TENM4: variants seen among roughly 807,000 people sequenced by gnomAD.
TENM4 encodes teneurin-4.
Under a neutral mutation model 243.3 loss-of-function variants are expected in TENM4, and 82 were observed. The observed-to-expected ratio is 0.34, with a 90% CI of 0.28 to 0.40. The LOEUF is 0.40. TENM4 is among the 10% of genes least tolerant of loss of function. The pLI is 1.00. For synonymous variants in TENM4, 1,412 were observed against 1,456.3 expected (o/e 0.97, Z 0.69); for missense variants, 3,138 against 3,673.3 (o/e 0.85, Z 3.77).
At chr11:78,784,159 CAA>C (rs1487274655) in intron 16 of TENM4, among the ~76,000 whole-genome samples, 9 of 152,262 alleles carry the variant, frequency 5.9e-5, no homozygotes, top group Admixed American at 3.3e-4. Context: ...AATCTGATAA[CAA>C]GAGAAAATTT....
intron 3 of TENM4, among the ~76,000 whole-genome samples, chr11:79,201,095 T>C (rs766395908): frequency 3.9e-5 from 6 of 152,226 alleles, no homozygotes; most frequent in Non-Finnish European, 7.3e-5. Context: ...TGGACATTAG[T>C]AATTCCAGAA....
At chr11:79,320,190 A>G (rs1362188636) in intron 1 of TENM4, among the ~76,000 whole-genome samples, 1 of 152,202 alleles carries the variant, frequency 6.6e-6, no homozygotes, top group Non-Finnish European at 1.5e-5. Context: ...GTTTGCACTC[A>G]GTGTTTACCT....
At chr11:78,886,005 G>C (rs1199260028) in intron 9 of TENM4, among the ~76,000 whole-genome samples, 1 of 152,216 alleles carries the variant, frequency 6.6e-6, no homozygotes, top group Admixed American at 6.5e-5. Flanking sequence ...GCCCTAGGCA[G>C]ATAACAGCAA....
intron 6 of TENM4, chr11:78,903,903 G>T: frequency 2.0e-6 from 1 of 512,070 alleles, no homozygotes; most frequent in Non-Finnish European, 3.8e-6. Context: ...GAACTTGTTA[G>T]AGATGAAAAT....
chr11:79,413,258 C>T (rs1209400236), intron 1 of TENM4, among the ~76,000 whole-genome samples: 4 of 152,216 alleles, frequency 2.6e-5, no homozygotes, highest in Admixed American at 1.3e-4. Flanking sequence ...CAGCAATTGT[C>T]CCCAGTTCCC....
chr11:78,850,563 T>A (rs1032631503), intron 12 of TENM4, among the ~76,000 whole-genome samples: 1 of 152,148 alleles, frequency 6.6e-6, no homozygotes, highest in Non-Finnish European at 1.5e-5. Context: ...CAGGGACTCT[T>A]GGGGAAAGCG....
chr11:79,148,091 TG>T (rs1862426008), intron 4 of TENM4, among the ~76,000 whole-genome samples: 1 of 152,166 alleles, frequency 6.6e-6, no homozygotes, highest in African/African-American at 2.4e-5. Context: ...GGGTTTACCC[TG>T]CTTTGATTCT....
At chr11:78,787,532 G>T (rs79617202) in intron 15 of TENM4, among the ~76,000 whole-genome samples, 2,127 of 152,298 alleles carry the variant, frequency 0.014, 44 homozygotes, top group African/African-American at 0.049. Flanking sequence ...GCCCAATGAA[G>T]TGCTTGTGGT....
chr11:79,150,164 A>G (rs1489914747), intron 3 of TENM4, among the ~76,000 whole-genome samples: 2 of 151,930 alleles, frequency 1.3e-5, no homozygotes, highest in Admixed American at 6.6e-5. Flanking sequence ...TTTCAAATCC[A>G]TCCTTGTTAT....
intron 6 of TENM4, among the ~76,000 whole-genome samples, chr11:79,038,529 T>C (rs577899372): frequency 6.6e-6 from 1 of 152,350 alleles, no homozygotes; most frequent in South Asian, 2.1e-4. Context: ...TTCTTTCTTA[T>C]TTAAAAATAG....
chr11:78,885,144 G>C (rs1855522923), intron 9 of TENM4, among the ~76,000 whole-genome samples: 1 of 152,136 alleles, frequency 6.6e-6, no homozygotes, highest in Non-Finnish European at 1.5e-5. Context: ...AAGCTTCAGG[G>C]TCTGACCTAA....
chr11:79,141,135 T>C (rs1862277723), intron 4 of TENM4, among the ~76,000 whole-genome samples: 1 of 152,102 alleles, frequency 6.6e-6, no homozygotes, highest in Admixed American at 6.6e-5. Flanking sequence ...GTCTTCCTCC[T>C]ACCTCTGCTC....
chr11:78,674,275 A>G (rs1858409163), intron 30 of TENM4, among the ~76,000 whole-genome samples: 1 of 152,216 alleles, frequency 6.6e-6, no homozygotes, highest in Non-Finnish European at 1.5e-5. Flanking sequence ...ATAAAAAATG[A>G]ACTCCATTAT....
intron 3 of TENM4, among the ~76,000 whole-genome samples, chr11:79,171,483 A>C (rs572609381): frequency 2.0e-5 from 3 of 152,320 alleles, no homozygotes; most frequent in Middle Eastern, 3.4e-3. Context: ...GCCTAAACAA[A>C]AGCTTTGATC....
chr11:79,045,684 G>A (rs1005719216), intron 6 of TENM4, among the ~76,000 whole-genome samples: 1 of 151,908 alleles, frequency 6.6e-6, no homozygotes, highest in African/African-American at 2.4e-5. Flanking sequence ...AGCTTCTCTG[G>A]GACCTGTTCC....
intron 1 of TENM4, among the ~76,000 whole-genome samples, chr11:79,428,842 T>C (rs1438474010): frequency 6.6e-6 from 1 of 152,234 alleles, no homozygotes. Context: ...CCCTTTATGC[T>C]GCTTTGAAAA....
chr11:79,155,839 CA>C (rs1167439863), intron 3 of TENM4, among the ~76,000 whole-genome samples: 1 of 151,506 alleles, frequency 6.6e-6, no homozygotes, highest in Non-Finnish European at 1.5e-5. Context: ...GGGATATAAA[CA>C]TGAAGATGTG....
intron 15 of TENM4, among the ~76,000 whole-genome samples, chr11:78,800,436 G>T (rs754876842): frequency 3.9e-5 from 6 of 152,178 alleles, no homozygotes; most frequent in Non-Finnish European, 7.3e-5. Context: ...GGAGCACAGA[G>T]ATTTGGTGTT....
At chr11:79,218,747 G>C (rs921504150) in intron 2 of TENM4, among the ~76,000 whole-genome samples, 1 of 151,912 alleles carries the variant, frequency 6.6e-6, no homozygotes, top group Non-Finnish European at 1.5e-5. Flanking sequence ...TTTTTTCCCA[G>C]AGTACCTCCA....
Sources: allele counts gnomAD v4.1 joint callset (sites outside exome capture counted in the v4.1 genomes callset), GRCh38; gene constraint gnomAD v4.1.1; transcripts MANE v1.5; gene names NCBI Gene and HGNC (gene_info 2026-07-23, HGNC 2026-07-21).